Variants in PSG5 observed in about 807,000 individuals in gnomAD.
PSG5 encodes pregnancy specific beta-1-glycoprotein 5.
A neutral mutation model predicts 37.7 loss-of-function variants in PSG5; 53 were observed. The observed-to-expected ratio is 1.41, with a 90% confidence interval of 1.13 to 1.77. The LOEUF (loss-of-function observed/expected upper bound fraction) is 1.77, where lower values mean the gene tolerates loss of function less well. Ranked by LOEUF, PSG5 falls within the 40% of genes most tolerant of loss-of-function variation. The pLI is 0.00. For missense variants in PSG5, 547 were observed against 405.2 expected (o/e 1.35, Z -3.00); for synonymous variants, 221 against 155.4 (o/e 1.42, Z -3.14).
At chr19:43,178,400 G>A (rs2069812718) in intron 2 of PSG5, among the ~76,000 whole-genome samples, 1 of 151,776 alleles carries the variant, frequency 6.6e-6, no homozygotes, top group African/African-American at 2.4e-5. Context: ...GTGAGAGTCT[G>A]TGAGGCAGGA....
Position 43,167,826 on chromosome 19 carries a change from G to A in PSG5, c.*418C>T. On this transcript the variant is annotated 3_prime_UTR_variant, in exon 6 of 6. Coordinates refer to ENST00000342951, the MANE Select transcript of PSG5 (RefSeq NM_002781.4). ...CAATTCTGGGGCACTCAGATAGAGAGCAAAAGCAAATGTTTCAATTTTTGT... is the reference window on the plus strand; with the variant it reads ...CAATTCTGGGGCACTCAGATAGAGAACAAAAGCAAATGTTTCAATTTTTGT... 7.5e-6 allele frequency: 2 copies of A among 267,450 alleles called. No individual in the cohort carries two copies. Among genetic ancestry groups the A allele is most frequent in the Non-Finnish European group, 7.1e-6 (1 of 141,188 alleles). 16.6% of individuals were successfully genotyped at this position (267,450 alleles called of 1,614,324 possible). A position where few individuals can be genotyped will look rare whatever the true frequency, so the allele number is the denominator to read the frequency against.
intron 2 of PSG5, among the ~76,000 whole-genome samples, chr19:43,176,499 A>T (rs1177654752): frequency 2.6e-5 from 4 of 151,528 alleles, no homozygotes; most frequent in Non-Finnish European, 5.9e-5. Flanking sequence ...GGAATGTGCA[A>T]CTGCTGGGCC....
chr19:43,179,857 C>A (rs1329279200), intron 2 of PSG5, among the ~76,000 whole-genome samples: 3 of 151,148 alleles, frequency 2.0e-5, no homozygotes, highest in Admixed American at 2.0e-4. Flanking sequence ...GAGCTGATAG[C>A]TTTGGACCAA....
Position 43,175,346 on chromosome 19 carries a change from T to A in PSG5, c.833A>T (p.Lys278Met), listed in dbSNP as rs1568371570. 1 of 1,612,800 alleles carries A rather than the reference T, an allele frequency of 6.2e-7. No homozygotes were observed. The highest frequency in any genetic ancestry group is 1.7e-5 in the Admixed American group (1 of 59,922). Residue 278 changes from lysine (K) to methionine (M), a missense_variant, in exon 4 of 6, where the codon AAG becomes ATG. By Grantham distance (95) the Lys-to-Met change is moderately conservative. Coordinates refer to ENST00000342951, the MANE Select transcript of PSG5 (RefSeq NM_002781.4). The stretch of plus-strand genomic sequence containing the variant: ...GAGCTTTTGTCCTGATTGCTGAAAC[T>A]TCCCATTAATTGTCCAAAAATACTC... ...PAEYFWTING[K>M]FQQSGQKLSI...
chr19:43,171,991 A>G (rs1259005424), intron 4 of PSG5, among the ~76,000 whole-genome samples: 1 of 150,376 alleles, frequency 6.6e-6, no homozygotes, highest in Non-Finnish European at 1.5e-5. Context: ...TTCAAAAAAA[A>G]AAAAAAAGAA....
In PSG5 at chr19:43,176,003, C is replaced by G. The variant is rs1969002206; in HGVS notation, c.576G>C (p.Arg192Ser). The G allele has an allele frequency of 6.2e-7, 1 of 1,611,352 alleles. No individual in the cohort carries two copies. Among genetic ancestry groups the G allele is most frequent in the Non-Finnish European group, 8.5e-7 (1 of 1,179,180 alleles). Residue 192 changes from arginine to serine, a missense_variant, in exon 3 of 6, where the codon AGG becomes AGC. By Grantham distance (110) the Arg-to-Ser change is moderately radical. Coordinates refer to ENST00000342951, the MANE Select transcript of PSG5 (RefSeq NM_002781.4). ...LNGQSLPVSPRVKRPIENRIL... is the reference protein window; with the variant it reads ...LNGQSLPVSPSVKRPIENRIL... ...TCCTGTTTTCAATGGGTCGCTTTAC[C>G]CTGGGACTGACCGGGAGGCTCTGAC... is the stretch of plus-strand genomic sequence containing the variant.
rs546997597 is a variant in PSG5, at chr19:43,170,707, A to T, written c.965-569T>A. 8 of 181,394 alleles carry T rather than the reference A, an allele frequency of 4.4e-5. No homozygotes were observed. The East Asian group carries it at 7.2e-4, about 16-fold the overall frequency. The allele number at this position is 181,394 out of a possible 1,614,324, so 11.2% of individuals were successfully genotyped here. A position where few individuals can be genotyped will look rare whatever the true frequency, so the allele number is the denominator to read the frequency against. On this transcript the variant is annotated intron_variant, in intron 4 of 5. Coordinates refer to ENST00000342951, the MANE Select transcript of PSG5 (RefSeq NM_002781.4). ...CCCTCAGCCTTGCAAAAACTCTTAG[A>T]ACTGCATTGGTACCTAAAACTTCTT...
intron 2 of PSG5, chr19:43,180,623 A>C (rs1262358143): frequency 6.6e-6 from 1 of 151,654 alleles, no homozygotes; most frequent in Admixed American, 6.6e-5. Flanking sequence ...TTTGGAGGAA[A>C]CATTAAAATG....
intron 2 of PSG5, among the ~76,000 whole-genome samples, chr19:43,177,726 T>G (rs985874912): frequency 2.0e-5 from 3 of 151,590 alleles, no homozygotes; most frequent in Admixed American, 1.3e-4. Flanking sequence ...TCAGGTCAGA[T>G]TTAAGACAGA....
At chr19:43,170,301 T>A (rs1319769967) in intron 4 of PSG5, 163 bp from the exon 5 acceptor site, 1 of 768,632 alleles carries the variant, frequency 1.3e-6, no homozygotes, top group Non-Finnish European at 1.9e-6. Flanking sequence ...TCTTGCAGTT[T>A]TTTTTTTCCC....
At chr19:43,183,179 C>T (rs1568375845) in intron 2 of PSG5, 2 of 267,122 alleles carry the variant, frequency 7.5e-6, no homozygotes, top group African/African-American at 4.6e-5. Context: ...CCAGCTGCCC[C>T]CAGTTCCACA....
chr19:43,184,023 A>G (rs886533724), intron 2 of PSG5, among the ~76,000 whole-genome samples: 1 of 151,796 alleles, frequency 6.6e-6, no homozygotes, highest in African/African-American at 2.4e-5. Context: ...TGCTTCCATG[A>G]GAAAGCACCT....
chr19:43,185,090 A>T lies in PSG5; in HGVS notation c.122T>A (p.Leu41Gln), dbSNP rs755642873. 21 of 1,611,806 alleles carry T rather than the reference A, an allele frequency of 1.3e-5. No homozygotes were observed. Among genetic ancestry groups the T allele is most frequent in the South Asian group, 3.3e-5 (3 of 91,000 alleles). ...CTTCCCCTCGGAAACTTTGGGTGGC[A>T]GGGCTTCAATCGTGACTTGAGCAGT... Reference protein sequence around the residue: ...PITAQVTIEALPPKVSEGKDV... With the variant: ...PITAQVTIEAQPPKVSEGKDV... The change falls in exon 2 of 6, where the codon CTG (leucine) becomes CAG (glutamine). Residue 41 changes from leucine to glutamine, a missense_variant. Physicochemically the swap from Leu to Gln is moderately radical, Grantham distance 113 (BLOSUM62 -2). Transcript: ENST00000342951.
intron 5 of PSG5, among the ~76,000 whole-genome samples, chr19:43,169,127 A>T (rs1968849383): frequency 6.6e-6 from 1 of 151,390 alleles, no homozygotes; most frequent in Admixed American, 6.6e-5. Context: ...TTCCCATCAG[A>T]TTTCTCTGAT....
intron 2 of PSG5, among the ~76,000 whole-genome samples, chr19:43,184,282 G>T (rs1480316350): frequency 2.0e-5 from 3 of 151,726 alleles, no homozygotes; most frequent in African/African-American, 7.3e-5. Flanking sequence ...ACAGTCCTCA[G>T]ACAGCTGGTA....
intron 2 of PSG5, among the ~76,000 whole-genome samples, chr19:43,182,352 A>G (rs1207087046): frequency 1.3e-5 from 2 of 151,616 alleles, no homozygotes; most frequent in Non-Finnish European, 2.9e-5. Context: ...TATAGATAAC[A>G]TCACTATTGT....
intron 4 of PSG5, chr19:43,171,321 A>G (rs1160429026): frequency 6.6e-6 from 1 of 151,872 alleles, no homozygotes; most frequent in Non-Finnish European, 1.5e-5. Context: ...AATGGTATGA[A>G]GAAAGCACTC....
Position 43,175,578 on chromosome 19 carries a change from C to T in PSG5, c.710-109G>A. Reference sequence around the variant, plus strand: ...TCTGAGCCAAGACACACCCTCAAGTCCCAGCCGAACCCCCACTATATTCAC... The same window carrying T: ...TCTGAGCCAAGACACACCCTCAAGTTCCAGCCGAACCCCCACTATATTCAC... On this transcript the variant is annotated intron_variant, in intron 3 of 5. Coordinates refer to ENST00000342951, the MANE Select transcript of PSG5 (RefSeq NM_002781.4). The T allele has an allele frequency of 4.1e-6, 6 of 1,476,444 alleles. 1 individual carries two copies. Among genetic ancestry groups the T allele is most frequent in the Non-Finnish European group, 5.5e-6 (6 of 1,099,434 alleles). The allele number at this position is 1,476,444 out of a possible 1,614,324, so 91.5% of individuals were successfully genotyped here.
At chr19:43,177,837 C>T (rs1004591311) in intron 2 of PSG5, among the ~76,000 whole-genome samples, 1 of 151,566 alleles carries the variant, frequency 6.6e-6, no homozygotes, top group Non-Finnish European at 1.5e-5. Context: ...AGTATTGATT[C>T]TTCCAATCCT....
Sources: allele counts gnomAD v4.1 joint callset (sites outside exome capture counted in the v4.1 genomes callset), GRCh38; gene constraint gnomAD v4.1.1; transcripts MANE v1.5; gene names NCBI Gene and HGNC (gene_info 2026-07-23, HGNC 2026-07-21).